The following PCNX1 variants were observed in gnomAD, a reference collection of about 807,000 sequenced individuals.
PCNX1 encodes the protein pecanex-like protein 1.
In PCNX1, 78 loss-of-function variants were observed where a neutral mutation model predicts 242.2. That is an observed-to-expected ratio of 0.32 (90% CI 0.27 to 0.39). The LOEUF (loss-of-function observed/expected upper bound fraction) is 0.39. Among genes scored for constraint, PCNX1 ranks in the 10% least tolerant of loss-of-function variants. The pLI is 1.00. For synonymous variants in PCNX1, 1,024 were observed against 1,032.9 expected, an observed-to-expected ratio of 0.99 and a Z score of 0.17; for missense variants, 2,581 against 2,856.5, an observed-to-expected ratio of 0.90 and a Z score of 2.20.
At chr14:70,908,449 C>A in intron 1 of PCNX1, among the ~76,000 whole-genome samples, 1 of 152,222 alleles carries the variant, frequency 6.6e-6, no homozygotes, top group South Asian at 2.1e-4. Context: ...CCGCGGCCCT[C>A]GTCCGGGGCT....
chr14:70,953,472 A>T (rs1023239575), intron 2 of PCNX1, among the ~76,000 whole-genome samples: 5 of 151,250 alleles, frequency 3.3e-5, no homozygotes, highest in Middle Eastern at 3.2e-3. Flanking sequence ...ATTAATAGGA[A>T]TTTTTTATTT....
At chr14:71,034,479 G>C (rs1271033033) in intron 18 of PCNX1, among the ~76,000 whole-genome samples, 1 of 152,140 alleles carries the variant, frequency 6.6e-6, no homozygotes, top group African/African-American at 2.4e-5. Context: ...AACTGTGTGT[G>C]TATTCTAGGC....
At position 70,907,771 on chromosome 14, in the gene PCNX1, C is replaced by T. The variant is rs2055622159; in HGVS notation, c.-80C>T. 4 of 1,191,946 alleles carry T rather than the reference C, an allele frequency of 3.4e-6. No individual in the cohort carries two copies. In the South Asian group the frequency reaches 1.6e-4, roughly 49 times the overall value. 73.8% of individuals were successfully genotyped at this position (1,191,946 alleles called of 1,614,324 possible). Reference sequence around the variant, plus strand: ...GGTGGATAGACGGGGCAGCTGCAGGCTCCGGCGACCGAGGCCGAGCTGGGG... The same window carrying T: ...GGTGGATAGACGGGGCAGCTGCAGGTTCCGGCGACCGAGGCCGAGCTGGGG... On this transcript the variant is annotated 5_prime_UTR_variant, in exon 1 of 36. Coordinates refer to ENST00000304743, the MANE Select transcript of PCNX1 (RefSeq NM_014982.3).
intron 1 of PCNX1, among the ~76,000 whole-genome samples, chr14:70,910,031 CCCTCCT>C (rs146962491): frequency 9.4e-4 from 9 of 9,618 alleles, no homozygotes; most frequent in Admixed American, 3.4e-3. Context: ...GACGACTCCT[CCCTCCT>C]CCTCCTCCTC....
At chr14:71,040,092 G>T (rs944044894) in intron 19 of PCNX1, among the ~76,000 whole-genome samples, 5 of 152,126 alleles carry the variant, frequency 3.3e-5, no homozygotes, top group African/African-American at 1.2e-4. Context: ...GATTACAGGT[G>T]TGAGCCACTG....
intron 8 of PCNX1, among the ~76,000 whole-genome samples, chr14:71,002,253 A>T (rs2059527524): frequency 6.6e-6 from 1 of 152,174 alleles, no homozygotes. Flanking sequence ...GCAAATACCA[A>T]TGTAATTCCC....
chr14:70,972,716 G>T (rs886511661), intron 5 of PCNX1, among the ~76,000 whole-genome samples: 1 of 152,156 alleles, frequency 6.6e-6, no homozygotes, highest in Non-Finnish European at 1.5e-5. Flanking sequence ...GATTCAGGAT[G>T]ACTGGGGGAA....
intron 8 of PCNX1, among the ~76,000 whole-genome samples, chr14:71,008,022 C>G (rs1055759091): frequency 5.9e-5 from 9 of 151,960 alleles, no homozygotes. Flanking sequence ...CAGCAAATGA[C>G]CTGAGCATTT....
At chr14:71,062,233 G>T (rs531200804) in intron 26 of PCNX1, among the ~76,000 whole-genome samples, 7 of 152,252 alleles carry the variant, frequency 4.6e-5, no homozygotes, top group African/African-American at 1.7e-4. Context: ...TGTTGTCATA[G>T]GAGATGGCAG....
At chr14:70,990,258 TAAA>T (rs199782904) in intron 7 of PCNX1, among the ~76,000 whole-genome samples, 1 of 151,012 alleles carries the variant, frequency 6.6e-6, no homozygotes, top group Non-Finnish European at 1.5e-5. Flanking sequence ...TCTTTTAAAT[TAAA>T]AAAAAATAAT....
chr14:71,031,597 A>C, intron 16 of PCNX1: 1 of 550,992 alleles, frequency 1.8e-6, no homozygotes, highest in South Asian at 1.8e-5. Context: ...CTAATCCTGC[A>C]CAATAGACTT....
intron 19 of PCNX1, among the ~76,000 whole-genome samples, chr14:71,036,964 T>C (rs2060555608): frequency 6.6e-6 from 1 of 152,090 alleles, no homozygotes; most frequent in Non-Finnish European, 1.5e-5. Flanking sequence ...TTTATTTCCT[T>C]GAGCAGCGGT....
chr14:71,082,425 A>G (rs1210615343), intron 28 of PCNX1, among the ~76,000 whole-genome samples: 4 of 151,944 alleles, frequency 2.6e-5, no homozygotes, highest in African/African-American at 7.3e-5. Flanking sequence ...TTAATTTTCT[A>G]TCTCGCTGAT....
chr14:70,911,150 A>T (rs1401874461), intron 1 of PCNX1, among the ~76,000 whole-genome samples: 1 of 152,232 alleles, frequency 6.6e-6, no homozygotes, highest in Non-Finnish European at 1.5e-5. Context: ...TGACTGTTTT[A>T]AAAGTACATG....
At chr14:71,088,230 C>A in intron 28 of PCNX1, 100 bp from the exon 29 acceptor site, 1 of 595,382 alleles carries the variant, frequency 1.7e-6, no homozygotes, top group Non-Finnish European at 3.0e-6. Flanking sequence ...AAATTATGTA[C>A]TCTTTGAATT....
At position 70,994,396 on chromosome 14, in the gene PCNX1, G is replaced by GATATATATATATATATATATATAT. The variant is rs35068772; in HGVS notation, c.2445-1334_2445-1311dup. Among the ~76,000 whole-genome samples, 290 of 96,804 alleles carry GATATATATATATATATATATATAT rather than the reference G, an allele frequency of 3.0e-3. 8 individuals carry two copies. Among genetic ancestry groups the GATATATATATATATATATATATAT allele is most frequent in the Non-Finnish European group, 3.8e-3 (173 of 45,754 alleles). 63.5% of individuals were successfully genotyped at this position (96,804 alleles called of 152,430 possible). On this transcript the variant is annotated intron_variant, in intron 7 of 35. Coordinates refer to ENST00000304743, the MANE Select transcript of PCNX1 (RefSeq NM_014982.3). ...TCTATTATCATAACCACAGGCTTAA[G>GATATATATATATATATATATATAT]ATATATATATATATATATATATATA...
chr14:70,977,764 T>C lies in PCNX1; in HGVS notation c.1427T>C (p.Met476Thr). ...AAGGACCCCACCCCCTCTGATGAGA[T>C]GCACAACCAGAGAGGTCTCAGCACC... ...EAKDPTPSDE[M>T]HNQRGLSTSA... Residue 476 changes from methionine (M) to threonine (T), a missense_variant, in exon 6 of 36, where the codon ATG (methionine) becomes ACG (threonine). Transcript: ENST00000304743. 1 of 1,614,086 alleles carries C rather than the reference T, an allele frequency of 6.2e-7. No homozygotes were observed. Among genetic ancestry groups the C allele is most frequent in the East Asian group, 2.2e-5 (1 of 44,860 alleles).
chr14:71,109,659 A>G, intron 35 of PCNX1, 67 bp downstream of exon 35: 6 of 1,593,198 alleles, frequency 3.8e-6, no homozygotes, highest in African/African-American at 1.3e-5. Context: ...ACTTGGATGC[A>G]TGGTTTTAGC....
At chr14:71,082,152 G>C (rs527486772) in intron 28 of PCNX1, among the ~76,000 whole-genome samples, 86 of 152,126 alleles carry the variant, frequency 5.7e-4, no homozygotes, top group African/African-American at 2.0e-3. Context: ...TTCAGTTTCC[G>C]TGTTGTTGTG....
Sources: gnomAD v4.1 joint callset for allele counts (sites outside exome capture counted in the v4.1 genomes callset) on GRCh38, gnomAD v4.1.1 for gene constraint, MANE v1.5 for transcripts, NCBI Gene and HGNC (gene_info 2026-07-23, HGNC 2026-07-21) for gene names.